The following UGT8 variants were observed in gnomAD, a reference collection of about 807,000 sequenced individuals.
UGT8 encodes the protein UDP glycosyltransferase 8, also known as 2-hydroxyacylsphingosine 1-beta-galactosyltransferase.
Under a neutral mutation model 40.5 loss-of-function variants are expected in UGT8, and 12 were observed. The ratio of observed to expected loss-of-function variants is 0.30; its 90% CI spans 0.19 to 0.48. UGT8 has a LOEUF of 0.48. Ranked by LOEUF, UGT8 falls within the 20% of genes least tolerant of loss-of-function variation. UGT8 has a pLI of 0.99. For missense variants in UGT8, 513 were observed against 648.7 expected (o/e 0.79, Z 2.27); for synonymous variants, 224 against 240.4 (o/e 0.93, Z 0.63).
intron 4 of UGT8, among the ~76,000 whole-genome samples, chr4:114,666,829 C>T (rs1031986837): frequency 5.9e-5 from 9 of 152,144 alleles, no homozygotes; most frequent in African/African-American, 2.2e-4. Flanking sequence ...AGTGTGAGAA[C>T]TCTGACTTTT....
intron 2 of UGT8, among the ~76,000 whole-genome samples, chr4:114,635,262 A>C (rs1200382304): frequency 6.6e-6 from 1 of 151,996 alleles, no homozygotes; most frequent in Non-Finnish European, 1.5e-5. Context: ...GAGGCAGGAG[A>C]ATCACTTGAA....
At chr4:114,640,494 AC>A (rs1441866553) in intron 2 of UGT8, among the ~76,000 whole-genome samples, 1 of 152,124 alleles carries the variant, frequency 6.6e-6, no homozygotes, top group Non-Finnish European at 1.5e-5. Flanking sequence ...TGTATGATAT[AC>A]CCTAAGGTAG....
intron 2 of UGT8, among the ~76,000 whole-genome samples, chr4:114,652,211 A>C (rs1205975354): frequency 1.3e-5 from 2 of 152,100 alleles, no homozygotes. Context: ...GAATTTCAAT[A>C]GATGGAAGTA....
chr4:114,621,913 A>G (rs7685523), intron 1 of UGT8, among the ~76,000 whole-genome samples: 90,602 of 151,932 alleles, frequency 0.6, 29,941 homozygotes, highest in East Asian at 0.81. Flanking sequence ...TTTAATAGTG[A>G]TTTTTTTTGT....
chr4:114,639,406 G>A (rs1444793759), intron 2 of UGT8, among the ~76,000 whole-genome samples: 5 of 152,182 alleles, frequency 3.3e-5, no homozygotes, highest in South Asian at 2.1e-4. Context: ...AAACCTAGGT[G>A]TAGTTGAAGC....
intron 1 of UGT8, among the ~76,000 whole-genome samples, chr4:114,599,822 A>T (rs1258441798): frequency 1.3e-5 from 2 of 152,174 alleles, no homozygotes; most frequent in African/African-American, 4.8e-5. Context: ...GGCAAACCGC[A>T]TCGGAGAGTG....
At chr4:114,627,255 CTTTTTTTTT>C (rs199675716) in intron 2 of UGT8, among the ~76,000 whole-genome samples, 1 of 126,804 alleles carries the variant, frequency 7.9e-6, no homozygotes, top group East Asian at 2.2e-4. Flanking sequence ...TGAATAGATT[CTTTTTTTTT>C]TTTTTTTTTT....
At chr4:114,671,569 A>G (rs1348402769) in intron 5 of UGT8, among the ~76,000 whole-genome samples, 1 of 152,206 alleles carries the variant, frequency 6.6e-6, no homozygotes, top group Non-Finnish European at 1.5e-5. Flanking sequence ...AAAACAAGCA[A>G]TGGGGAAAGG....
intron 1 of UGT8, among the ~76,000 whole-genome samples, chr4:114,622,137 A>T (rs1211197154): frequency 8.3e-6 from 1 of 120,806 alleles, no homozygotes; most frequent in Non-Finnish European, 1.6e-5. Context: ...CCAGAGTGTG[A>T]TGTTCCCCCT....
At chr4:114,602,329 C>G (rs1730492285) in intron 1 of UGT8, among the ~76,000 whole-genome samples, 2 of 152,034 alleles carry the variant, frequency 1.3e-5, no homozygotes, top group African/African-American at 2.4e-5. Flanking sequence ...ATTTTTCTAC[C>G]CCGGAAGTCC....
rs1394339761 is a variant in UGT8, at chr4:114,623,595, C to T, written c.715C>T (p.Leu239=). ...GTATGATTTGGTTCATGGGTCCAGC[C>T]TGTGGATGCTGTGTACTGACGTAGC... ...SMYDLVHGSS[L]WMLCTDVALE... The change falls in exon 2 of 6, where the codon CTG becomes TTG. Residue 239 remains leucine, a synonymous_variant. Transcript: ENST00000310836. The T allele has an allele frequency of 1.2e-6, 2 of 1,613,998 alleles. No individual in the cohort carries two copies. The highest frequency in any genetic ancestry group is 1.7e-5 in the Admixed American group (1 of 59,988).
At chr4:114,667,956 T>G in intron 4 of UGT8, 129 bp from the exon 5 acceptor site, 1 of 1,440,160 alleles carries the variant, frequency 6.9e-7, no homozygotes, top group Non-Finnish European at 9.1e-7. Context: ...ATCAGTGAAA[T>G]TACACCTTTA....
At chr4:114,628,676 G>A (rs1278865824) in intron 2 of UGT8, among the ~76,000 whole-genome samples, 3 of 150,090 alleles carry the variant, frequency 2.0e-5, no homozygotes, top group East Asian at 2.0e-4. Flanking sequence ...TCCACATTAG[G>A]AGTATTTATG....
rs570104577 is a variant in UGT8, at chr4:114,631,559, T to C, written c.822+7857T>C. Among the ~76,000 whole-genome samples, 8 of 152,354 alleles carry C rather than the reference T, an allele frequency of 5.3e-5. No homozygotes were observed. The South Asian group carries it at 1.7e-3, about 32-fold the overall frequency. On this transcript the variant is annotated intron_variant, in intron 2 of 5. Transcript: ENST00000310836. ...TATTTTCCTTCAGTATTGTATTCTC[T>C]TTCAGTATTGCTTAGATCAGAATTC...
intron 2 of UGT8, among the ~76,000 whole-genome samples, chr4:114,638,977 A>C (rs1330724880): frequency 6.6e-6 from 1 of 152,224 alleles, no homozygotes; most frequent in Non-Finnish European, 1.5e-5. Context: ...CCAGCCCTTC[A>C]TACCTATATC....
At chr4:114,641,662 T>G (rs1733231617) in intron 2 of UGT8, among the ~76,000 whole-genome samples, 1 of 152,136 alleles carries the variant, frequency 6.6e-6, no homozygotes, top group Non-Finnish European at 1.5e-5. Context: ...ACCATTGTAG[T>G]AAAGTGACTG....
At chr4:114,603,658 G>A (rs775585777) in intron 1 of UGT8, among the ~76,000 whole-genome samples, 21 of 152,094 alleles carry the variant, frequency 1.4e-4, no homozygotes, top group Admixed American at 4.6e-4. Flanking sequence ...ACCCCCTCTC[G>A]AGCCCCGAAT....
intron 1 of UGT8, among the ~76,000 whole-genome samples, chr4:114,605,805 G>A (rs960149109): frequency 6.6e-6 from 1 of 152,052 alleles, no homozygotes; most frequent in African/African-American, 2.4e-5. Context: ...TATAGAATAA[G>A]AAAATAGGGC....
chr4:114,609,721 T>C (rs1030832957), intron 1 of UGT8, among the ~76,000 whole-genome samples: 1 of 152,242 alleles, frequency 6.6e-6, no homozygotes, highest in South Asian at 2.1e-4. Context: ...TGCTTTATAC[T>C]TTCTGACCAT....
Sources: gnomAD v4.1 joint callset for allele counts (sites outside exome capture counted in the v4.1 genomes callset) on GRCh38, gnomAD v4.1.1 for gene constraint, MANE v1.5 for transcripts, NCBI Gene and HGNC (gene_info 2026-07-23, HGNC 2026-07-21) for gene names.